The following CWF19L2 variants were observed in gnomAD, a reference collection of about 807,000 sequenced individuals.
The protein encoded by CWF19L2 is CWF19-like protein 2.
Under a neutral mutation model 111.7 loss-of-function variants are expected in CWF19L2, and 98 were observed. The ratio of observed to expected loss-of-function variants is 0.88; its 90% CI spans 0.75 to 1.04. CWF19L2 has a LOEUF of 1.04. Ranked by LOEUF, CWF19L2 falls within the 50% of genes least tolerant of loss-of-function variation. The pLI is 0.00. For missense variants in CWF19L2, 1,101 were observed against 1,051.4 expected (o/e 1.05, Z -0.65); for synonymous variants, 351 against 342.9 (o/e 1.02, Z -0.26).
intron 3 of CWF19L2, among the ~76,000 whole-genome samples, chr11:107,443,264 T>G (rs1343570645): frequency 6.6e-6 from 1 of 152,044 alleles, no homozygotes; most frequent in Non-Finnish European, 1.5e-5. Context: ...GCATATTACT[T>G]GAGGTCAGGA....
chr11:107,391,939 T>A (rs1278658834), intron 11 of CWF19L2, among the ~76,000 whole-genome samples: 2 of 152,224 alleles, frequency 1.3e-5, no homozygotes, highest in Non-Finnish European at 2.9e-5. Context: ...CTCAGTAATA[T>A]GCAACTCAAA....
chr11:107,404,374 G>A, intron 10 of CWF19L2: 15 of 788,790 alleles, frequency 1.9e-5, no homozygotes. Flanking sequence ...ACCTCATGTA[G>A]GGCATCAGCA....
intron 10 of CWF19L2, among the ~76,000 whole-genome samples, chr11:107,412,322 T>G (rs1358923325): frequency 6.6e-6 from 1 of 152,182 alleles, no homozygotes; most frequent in Non-Finnish European, 1.5e-5. Context: ...TTCCTTGATA[T>G]TTACCCATAG....
rs114564718 is a variant in CWF19L2 at position 107,404,429 on chromosome 11, G to T, written c.1618-11534C>A. 1.7e-3 allele frequency: 1,335 copies of T among 777,842 alleles called. 9 individuals carry two copies. Among genetic ancestry groups the T allele is most frequent in the African/African-American group, 0.016 (941 of 59,054 alleles). The allele number at this position is 777,842 out of a possible 1,614,324, so 48.2% of individuals were successfully genotyped here. ...GGGTTTTGGAATTATAGTACCAGAG[G>T]ATGCCATGAACTGGCTGTTGGCACC... On this transcript the variant is annotated intron_variant, in intron 10 of 17. Transcript: ENST00000282251.
intron 12 of CWF19L2, among the ~76,000 whole-genome samples, chr11:107,360,014 G>A (rs1431790307): frequency 6.6e-6 from 1 of 152,228 alleles, no homozygotes; most frequent in African/African-American, 2.4e-5. Flanking sequence ...TGCATGCATA[G>A]ATTGCATAGT....
chr11:107,394,790 GT>G (rs948176363), intron 10 of CWF19L2, among the ~76,000 whole-genome samples: 57 of 151,902 alleles, frequency 3.8e-4, no homozygotes, highest in Middle Eastern at 3.4e-3. Context: ...GGGTTCCTTG[GT>G]TTCCAGCCCT....
chr11:107,344,599 T>C (rs757551500), intron 14 of CWF19L2, among the ~76,000 whole-genome samples: 5 of 152,242 alleles, frequency 3.3e-5, no homozygotes, highest in Non-Finnish European at 7.3e-5. Context: ...ATTCAAATTG[T>C]ACTTTCCTTA....
At chr11:107,359,133 T>A (rs541230184) in intron 12 of CWF19L2, among the ~76,000 whole-genome samples, 2 of 152,290 alleles carry the variant, frequency 1.3e-5, no homozygotes, top group South Asian at 4.1e-4. Flanking sequence ...CTGGGCTACA[T>A]ACACTGCTGA....
At position 107,373,777 on chromosome 11, in the gene CWF19L2, T is replaced by C. The variant is rs1488436625; in HGVS notation, c.1872+16297A>G. ...GGAACAAAGCTGGATGGAGAATGACTTTGACGAGCTGAGAGAAGAAGGCTT... is the reference window on the plus strand; with the variant it reads ...GGAACAAAGCTGGATGGAGAATGACCTTGACGAGCTGAGAGAAGAAGGCTT... On this transcript the variant is annotated intron_variant, in intron 12 of 17. Coordinates refer to ENST00000282251, the MANE Select transcript of CWF19L2 (RefSeq NM_152434.3). Among the ~76,000 whole-genome samples the C allele has an allele frequency of 1.5e-5, 2 of 133,538 alleles. 1 individual carries two copies. Among genetic ancestry groups the C allele is most frequent in the Non-Finnish European group, 3.2e-5 (2 of 62,540 alleles). 87.6% of individuals were successfully genotyped at this position (133,538 alleles called of 152,430 possible). A position where few individuals can be genotyped will look rare whatever the true frequency, so the allele number is the denominator to read the frequency against.
intron 8 of CWF19L2, among the ~76,000 whole-genome samples, chr11:107,425,460 T>A (rs1288638393): frequency 6.6e-6 from 1 of 151,952 alleles, no homozygotes; most frequent in African/African-American, 2.4e-5. Flanking sequence ...TAACATGTTC[T>A]ACTTTGCAGC....
intron 16 of CWF19L2, among the ~76,000 whole-genome samples, chr11:107,333,526 T>C (rs1859879923): frequency 6.6e-6 from 1 of 152,172 alleles, no homozygotes; most frequent in Non-Finnish European, 1.5e-5. Flanking sequence ...GTGAAAAACG[T>C]AGCACAAAAG....
intron 10 of CWF19L2, chr11:107,403,335 TAA>T (rs1565270033): frequency 1.9e-6 from 1 of 536,432 alleles, no homozygotes. Context: ...GGTATTTTTT[TAA>T]AAAACCAAAA....
intron 8 of CWF19L2, among the ~76,000 whole-genome samples, chr11:107,421,521 G>A (rs1409888150): frequency 6.6e-6 from 1 of 151,964 alleles, no homozygotes; most frequent in Non-Finnish European, 1.5e-5. Flanking sequence ...TAAATTACTA[G>A]TAGAGAGGTA....
chr11:107,340,144 T>C (rs1013692720), intron 14 of CWF19L2, among the ~76,000 whole-genome samples: 44 of 152,230 alleles, frequency 2.9e-4, no homozygotes, highest in African/African-American at 1.0e-3. Flanking sequence ...GTTTTTAATT[T>C]GACAAAGCTC....
intron 10 of CWF19L2, chr11:107,403,344 A>G: frequency 1.8e-6 from 1 of 557,046 alleles, no homozygotes; most frequent in Non-Finnish European, 3.2e-6. Context: ...TTAAAAAACC[A>G]AAAAACTTTT....
intron 8 of CWF19L2, among the ~76,000 whole-genome samples, chr11:107,425,705 A>G (rs1861366636): frequency 6.6e-6 from 1 of 151,866 alleles, no homozygotes; most frequent in African/African-American, 2.4e-5. Context: ...AGATCTCACA[A>G]CTATACTCAA....
intron 14 of CWF19L2, among the ~76,000 whole-genome samples, chr11:107,343,182 G>A (rs115658623): frequency 0.015 from 2,324 of 152,282 alleles, 66 homozygotes; most frequent in African/African-American, 0.054. Flanking sequence ...CTTTCAGTCT[G>A]GTTGTTCCAC....
At chr11:107,423,149 T>G (rs1861324943) in intron 8 of CWF19L2, among the ~76,000 whole-genome samples, 1 of 151,948 alleles carries the variant, frequency 6.6e-6, no homozygotes, top group Admixed American at 6.6e-5. Context: ...AAAATATTTT[T>G]CAGTACTTTT....
At chr11:107,344,791 G>A (rs78884759) in intron 14 of CWF19L2, among the ~76,000 whole-genome samples, 2,024 of 152,278 alleles carry the variant, frequency 0.013, 39 homozygotes, top group African/African-American at 0.045. Flanking sequence ...GATATTTTGA[G>A]AATTAAGAGA....
Sources: gnomAD v4.1 joint callset for allele counts (sites outside exome capture counted in the v4.1 genomes callset) on GRCh38, gnomAD v4.1.1 for gene constraint, MANE v1.5 for transcripts, NCBI Gene and HGNC (gene_info 2026-07-23, HGNC 2026-07-21) for gene names.